Variants in PRKDC observed in about 807,000 individuals in gnomAD.
The protein encoded by PRKDC is protein kinase, DNA-activated, catalytic subunit.
PRKDC carries 82 observed loss-of-function variants against 486.9 expected under a neutral mutation model. That is an observed-to-expected ratio of 0.17 (90% CI 0.14 to 0.20). The LOEUF (loss-of-function observed/expected upper bound fraction) is 0.20, where lower values mean the gene tolerates loss of function less well. PRKDC is among the 10% of genes least tolerant of loss of function. The pLI is 1.00. For synonymous variants in PRKDC, 1,895 were observed against 1,837.0 expected, an observed-to-expected ratio of 1.03 and a Z score of -0.81; for missense variants, 4,504 against 5,038.2, an observed-to-expected ratio of 0.89 and a Z score of 3.21.
At chr8:47,839,912 G>A in intron 55 of PRKDC, 104 bp downstream of exon 55, 1 of 872,780 alleles carries the variant, frequency 1.1e-6, no homozygotes, top group Non-Finnish European at 1.7e-6. Context: ...AGGAGGTTGA[G>A]ACTGCAGTGA....
intron 44 of PRKDC, among the ~76,000 whole-genome samples, chr8:47,861,567 C>G (rs547681342): frequency 6.6e-6 from 1 of 152,328 alleles, no homozygotes; most frequent in East Asian, 1.9e-4. Flanking sequence ...CTCTGCCCAC[C>G]TTCCCATTTC....
chr8:47,867,845 A>C (rs574727227), intron 40 of PRKDC, among the ~76,000 whole-genome samples: 2 of 152,130 alleles, frequency 1.3e-5, no homozygotes, highest in African/African-American at 4.8e-5. Flanking sequence ...TCACTATTAC[A>C]TATTTTGTTG....
At chr8:47,871,020 T>C (rs2088939329) in intron 40 of PRKDC, among the ~76,000 whole-genome samples, 1 of 152,040 alleles carries the variant, frequency 6.6e-6, no homozygotes, top group African/African-American at 2.4e-5. Flanking sequence ...GGCAGGCTAT[T>C]TGAAAATACA....
At chr8:47,786,879 A>AC (rs2086801315) in intron 76 of PRKDC, among the ~76,000 whole-genome samples, 1 of 151,438 alleles carries the variant, frequency 6.6e-6, no homozygotes, top group Admixed American at 6.6e-5. Context: ...ACAGGTGCAC[A>AC]CCACCGTGCC....
At chr8:47,823,308 G>A (rs2154499093) in intron 64 of PRKDC, among the ~76,000 whole-genome samples, 1 of 152,132 alleles carries the variant, frequency 6.6e-6, no homozygotes, top group Non-Finnish European at 1.5e-5. Context: ...GACAGAATGA[G>A]ACTCTGCCTC....
At chr8:47,865,489 C>T (rs1221946644) in intron 40 of PRKDC, among the ~76,000 whole-genome samples, 1 of 152,114 alleles carries the variant, frequency 6.6e-6, no homozygotes, top group Non-Finnish European at 1.5e-5. Flanking sequence ...TCTATCTGGT[C>T]CTTTATTTTC....
intron 1 of PRKDC, among the ~76,000 whole-genome samples, chr8:47,957,959 A>G (rs900213547): frequency 8.5e-5 from 13 of 152,252 alleles, no homozygotes; most frequent in African/African-American, 3.1e-4. Flanking sequence ...CTGCATCCCA[A>G]TCCCTGGGGT....
intron 58 of PRKDC, among the ~76,000 whole-genome samples, chr8:47,835,862 G>A (rs992229520): frequency 1.3e-5 from 2 of 151,648 alleles, no homozygotes; most frequent in Non-Finnish European, 2.9e-5. Flanking sequence ...TTCTGGGCTC[G>A]AGCCATTCCC....
intron 25 of PRKDC, among the ~76,000 whole-genome samples, chr8:47,907,241 C>T (rs1042626142): frequency 3.3e-5 from 5 of 151,088 alleles, no homozygotes; most frequent in Non-Finnish European, 7.4e-5. Flanking sequence ...AGGGTTTCAC[C>T]GTGTTAGCCA....
intron 39 of PRKDC, among the ~76,000 whole-genome samples, chr8:47,878,685 A>T (rs1303531825): frequency 6.6e-6 from 1 of 152,210 alleles, no homozygotes; most frequent in African/African-American, 2.4e-5. Context: ...AGAATAGAAC[A>T]AGTATGTTTT....
chr8:47,779,780 G>A (rs914598430), intron 80 of PRKDC, among the ~76,000 whole-genome samples: 3 of 152,016 alleles, frequency 2.0e-5, no homozygotes, highest in Non-Finnish European at 4.4e-5. Flanking sequence ...AGTAGAGACG[G>A]GGTTTCACCA....
intron 39 of PRKDC, among the ~76,000 whole-genome samples, chr8:47,878,613 T>G (rs565606838): frequency 1.3e-5 from 2 of 152,304 alleles, no homozygotes; most frequent in South Asian, 4.1e-4. Flanking sequence ...TCATCTTGAC[T>G]CTCCCCTTCT....
At chr8:47,862,654 G>C (rs1326592165) in intron 42 of PRKDC, 113 bp from the exon 43 acceptor site, 49 of 1,050,010 alleles carry the variant, frequency 4.7e-5, no homozygotes, top group Non-Finnish European at 6.6e-5. Flanking sequence ...CGAGGGTCAG[G>C]CTTGTGCCAG....
At chr8:47,948,463 T>G (rs1317314713) in intron 7 of PRKDC, among the ~76,000 whole-genome samples, 6 of 149,274 alleles carry the variant, frequency 4.0e-5, no homozygotes, top group African/African-American at 1.2e-4. Flanking sequence ...GTGCCTTGTT[T>G]TTTTTTTTTT....
At chr8:47,939,739 G>C in intron 10 of PRKDC, 42 bp from the exon 11 acceptor site, 1 of 1,442,862 alleles carries the variant, frequency 6.9e-7, no homozygotes, top group Non-Finnish European at 9.4e-7. Context: ...ATATTTAATA[G>C]CAATGGAATC....
chr8:47,882,142 GA>G, intron 36 of PRKDC, 45 bp from the exon 37 acceptor site: 1 of 1,553,534 alleles, frequency 6.4e-7, no homozygotes, highest in Non-Finnish European at 8.8e-7. Context: ...TTAATTTTGA[GA>G]ATGACAGAAA....
intron 1 of PRKDC, among the ~76,000 whole-genome samples, chr8:47,958,647 G>A (rs1466731289): frequency 1.3e-5 from 2 of 151,882 alleles, no homozygotes; most frequent in Admixed American, 6.6e-5. Context: ...AAGTAATCAC[G>A]CAATGTTAGT....
At chr8:47,853,483 G>A (rs1050805114) in intron 51 of PRKDC, among the ~76,000 whole-genome samples, 1 of 152,152 alleles carries the variant, frequency 6.6e-6, no homozygotes, top group African/African-American at 2.4e-5. Context: ...ACCCTCAGGA[G>A]CAGGACAAAG....
At position 47,914,085 on chromosome 8, in the gene PRKDC, A is replaced by C. The variant is rs573163775; in HGVS notation, c.2618-21T>G. ...CGTGACTGTTAGAAAAGATTTAAGAAGAATGAAACACTTTTTTTCTTTTTA... is the reference window on the plus strand; with the variant it reads ...CGTGACTGTTAGAAAAGATTTAAGACGAATGAAACACTTTTTTTCTTTTTA... On this transcript the variant is annotated intron_variant, in intron 23 of 85. Transcript: ENST00000314191. 2.6e-5 allele frequency: 37 copies of C among 1,431,058 alleles called. No individual in the cohort carries two copies. The African/African-American group carries it at 5.4e-4, about 21-fold the overall frequency. 88.6% of individuals were successfully genotyped at this position (1,431,058 alleles called of 1,614,324 possible). A position where few individuals can be genotyped will look rare whatever the true frequency, so the allele number is the denominator to read the frequency against.
Sources: gnomAD v4.1 joint callset for allele counts (sites outside exome capture counted in the v4.1 genomes callset) on GRCh38, gnomAD v4.1.1 for gene constraint, MANE v1.5 for transcripts, NCBI Gene and HGNC (gene_info 2026-07-23, HGNC 2026-07-21) for gene names.